ARHGEF10: variants seen among roughly 807,000 people sequenced by gnomAD.
ARHGEF10 encodes the protein Rho guanine nucleotide exchange factor 10, also known as Rho guanine nucleotide exchange factor (GEF) 10.
A neutral mutation model predicts 147.4 loss-of-function variants in ARHGEF10; 140 were observed. That is an observed-to-expected ratio of 0.95 (90% confidence interval 0.83 to 1.09). ARHGEF10 has a LOEUF of 1.09. Ranked by LOEUF, ARHGEF10 falls within the 50% of genes least tolerant of loss-of-function variation. The pLI is 0.00. For synonymous variants in ARHGEF10, 902 were observed against 695.8 expected (o/e 1.30, Z -4.67); for missense variants, 2,222 against 1,752.7 (o/e 1.27, Z -4.78).
chr8:1,923,938 G>A, intron 21 of ARHGEF10, 64 bp downstream of exon 21: 1 of 1,480,938 alleles, frequency 6.8e-7, no homozygotes, highest in Non-Finnish European at 9.4e-7. Context: ...CTGCCCACGA[G>A]GGTGAGGTCA....
intron 11 of ARHGEF10, among the ~76,000 whole-genome samples, chr8:1,891,519 G>A (rs1055566115): frequency 6.6e-6 from 1 of 152,184 alleles, no homozygotes; most frequent in African/African-American, 2.4e-5. Context: ...CATTCCCGGT[G>A]AGGACATGAG....
chr8:1,863,378 T>G (rs940438707), intron 4 of ARHGEF10, among the ~76,000 whole-genome samples: 2 of 152,210 alleles, frequency 1.3e-5, no homozygotes, highest in African/African-American at 4.8e-5. Flanking sequence ...GCAGGTTACA[T>G]CGAGCTCAGC....
chr8:1,862,484 G>A (rs1371870170), intron 4 of ARHGEF10, among the ~76,000 whole-genome samples: 1 of 152,220 alleles, frequency 6.6e-6, no homozygotes, highest in Non-Finnish European at 1.5e-5. Flanking sequence ...AGCTGTTTAG[G>A]CGACTCCCTG....
chr8:1,927,860 G>A (rs1436554253), intron 23 of ARHGEF10, among the ~76,000 whole-genome samples: 1 of 152,128 alleles, frequency 6.6e-6, no homozygotes, highest in East Asian at 1.9e-4. Flanking sequence ...AGAATCGCTT[G>A]AACCCAGGAG....
At chr8:1,949,586 T>C (rs1814864436) in intron 27 of ARHGEF10, among the ~76,000 whole-genome samples, 1 of 152,060 alleles carries the variant, frequency 6.6e-6, no homozygotes, top group African/African-American at 2.4e-5. Flanking sequence ...CATGGTAAAT[T>C]GCGCCTTTCT....
chr8:1,871,548 G>C (rs1188068369), intron 7 of ARHGEF10, among the ~76,000 whole-genome samples: 1 of 152,102 alleles, frequency 6.6e-6, no homozygotes, highest in Non-Finnish European at 1.5e-5. Context: ...GAATGGGCGC[G>C]GTGGCTCACA....
At chr8:1,830,204 G>T (rs1033733014) in intron 1 of ARHGEF10, among the ~76,000 whole-genome samples, 1 of 133,816 alleles carries the variant, frequency 7.5e-6, no homozygotes, top group Non-Finnish European at 1.6e-5. Flanking sequence ...TGTAATCCTG[G>T]GAGATTTCCA....
chr8:1,956,963 T>G lies in ARHGEF10; in HGVS notation c.3735T>G (p.Asp1245Glu). The G allele has an allele frequency of 6.2e-7, 1 of 1,614,144 alleles. No individual in the cohort carries two copies. The highest frequency in any genetic ancestry group is 8.5e-7 in the Non-Finnish European group (1 of 1,180,016). ...GDPDAAIWLG[D>E]SLGSMTQKSD... Reference sequence around the variant, plus strand: ...CTGACGCAGCCATCTGGTTGGGAGATTCGCTGGGATCGATGACTCAGAAAA... The same window carrying G: ...CTGACGCAGCCATCTGGTTGGGAGAGTCGCTGGGATCGATGACTCAGAAAA... Residue 1245 changes from aspartate (D) to glutamate (E), a missense_variant, in exon 29 of 29, where the codon GAT (aspartate) becomes GAG (glutamate). Transcript: ENST00000349830.
At position 1,948,910 on chromosome 8, in the gene ARHGEF10, G is replaced by A. The variant is rs1023396877; in HGVS notation, c.3397+3255G>A. Among the ~76,000 whole-genome samples, 6 of 151,970 alleles carry A rather than the reference G, an allele frequency of 3.9e-5. No homozygotes were observed. The highest frequency in any genetic ancestry group is 2.1e-4 in the South Asian group (1 of 4,820). The stretch of plus-strand genomic sequence containing the variant: ...CTCCTGGGTTCTTCTCCTCCTTATC[G>A]TCCAAGATGGTTCCTGGAGGCCCAC... On this transcript the variant is annotated intron_variant, in intron 27 of 28. Coordinates refer to ENST00000349830, the MANE Select transcript of ARHGEF10 (RefSeq NM_014629.4). The surrounding 1 kb of genome is among the most constrained non-coding windows in gnomAD (Gnocchi z 4.9).
chr8:1,832,084 C>A (rs1310737966), intron 1 of ARHGEF10, among the ~76,000 whole-genome samples: 2 of 152,080 alleles, frequency 1.3e-5, no homozygotes, highest in Non-Finnish European at 2.9e-5. Flanking sequence ...AGCGGTGGGT[C>A]GAGGGTGGTT....
At chr8:1,947,714 T>G in intron 27 of ARHGEF10, among the ~76,000 whole-genome samples, 1 of 115,374 alleles carries the variant, frequency 8.7e-6, no homozygotes, top group African/African-American at 3.3e-5. Context: ...CATCCCAGCA[T>G]CCCACCCACT....
rs1354250375 is a variant in ARHGEF10 at position 1,892,428 on chromosome 8, G to C, written c.1183-1141G>C. ...TTAGAAGGGTTGATTTTTGTCTTTT[G>C]CGAATAGAATAATCCTTTCTCTAAA... On this transcript the variant is annotated intron_variant, in intron 11 of 28. Coordinates refer to ENST00000349830, the MANE Select transcript of ARHGEF10 (RefSeq NM_014629.4). Among the ~76,000 whole-genome samples, 7 of 151,978 alleles carry C rather than the reference G, an allele frequency of 4.6e-5. No individual in the cohort carries two copies. The East Asian group carries it at 1.4e-3, about 29-fold the overall frequency.
intron 18 of ARHGEF10, among the ~76,000 whole-genome samples, chr8:1,922,232 A>T (rs1178686621): frequency 6.6e-6 from 1 of 151,718 alleles, no homozygotes; most frequent in African/African-American, 2.4e-5. Context: ...CGTTCCTCTA[A>T]CCCAAGTCAT....
At chr8:1,919,418 TTGGGTGATGGAGCTGTTCCA>T (rs1187409480) in intron 18 of ARHGEF10, among the ~76,000 whole-genome samples, 5,289 of 128,168 alleles carry the variant, frequency 0.041, 399 homozygotes, top group African/African-American at 0.15. Flanking sequence ...GAGCTGTTCC[TTGGGTGATGGAGCTGTTCCA>T]TGGGTGATGG....
chr8:1,895,706 A>G (rs1809915194), intron 13 of ARHGEF10, among the ~76,000 whole-genome samples: 2 of 152,230 alleles, frequency 1.3e-5, no homozygotes, highest in African/African-American at 2.4e-5. Flanking sequence ...TATCAATGCC[A>G]GTCACACCAG....
At chr8:1,832,180 G>A (rs62477472) in intron 1 of ARHGEF10, among the ~76,000 whole-genome samples, 6 of 151,966 alleles carry the variant, frequency 3.9e-5, no homozygotes, top group Non-Finnish European at 8.8e-5. Context: ...CTGCTCCAAG[G>A]GAGTCTCCCA....
chr8:1,921,261 TA>T (rs1812267297), intron 18 of ARHGEF10, among the ~76,000 whole-genome samples: 1 of 152,256 alleles, frequency 6.6e-6, no homozygotes, highest in South Asian at 2.1e-4. Flanking sequence ...ATATAGTAAA[TA>T]TTTTTAGATA....
intron 12 of ARHGEF10, among the ~76,000 whole-genome samples, 167 bp downstream of exon 12, chr8:1,893,813 G>C (rs1368752882): frequency 6.6e-6 from 1 of 152,064 alleles, no homozygotes; most frequent in Admixed American, 6.5e-5. Context: ...GACATCAAAA[G>C]TCATGATTTA....
chr8:1,904,476 A>G (rs1019709528), intron 16 of ARHGEF10, among the ~76,000 whole-genome samples: 1 of 152,234 alleles, frequency 6.6e-6, no homozygotes, highest in African/African-American at 2.4e-5. Flanking sequence ...TTTAAGCCAC[A>G]TATTTTCCCC....
Sources: gnomAD v4.1 joint callset for allele counts (sites outside exome capture counted in the v4.1 genomes callset) on GRCh38, gnomAD v4.1.1 for gene constraint, Gnocchi (gnomAD v3.1) non-coding constraint, MANE v1.5 for transcripts, NCBI Gene and HGNC (gene_info 2026-07-23, HGNC 2026-07-21) for gene names.